The following PSIP1 variants were observed in gnomAD, a reference collection of about 807,000 sequenced individuals.
PSIP1 encodes the protein PC4 and SRSF1 interacting protein 1.
PSIP1 carries 19 observed loss-of-function variants against 74.7 expected under a neutral mutation model. The observed-to-expected ratio is 0.25, with a 90% CI of 0.18 to 0.37. The LOEUF (loss-of-function observed/expected upper bound fraction) is 0.37. Among genes scored for constraint, PSIP1 ranks in the 10% least tolerant of loss-of-function variants. The probability of loss-of-function intolerance (pLI) is 1.00; values close to 1 mark genes in which losing one functional copy is unlikely to be tolerated. For missense variants in PSIP1, 601 were observed against 614.3 expected (o/e 0.98, Z 0.23); for synonymous variants, 222 against 195.3 (o/e 1.14, Z -1.14).
intron 4 of PSIP1, among the ~76,000 whole-genome samples, chr9:15,487,888 A>C (rs1005850902): frequency 2.0e-5 from 3 of 152,120 alleles, no homozygotes; most frequent in African/African-American, 7.2e-5. Flanking sequence ...ATTAACAAGT[A>C]AGTACTGGGA....
chr9:15,486,205 T>A, intron 5 of PSIP1, 137 bp from the exon 6 acceptor site: 1 of 615,572 alleles, frequency 1.6e-6, no homozygotes, highest in Non-Finnish European at 2.7e-6. Flanking sequence ...GTTCTGAAAT[T>A]AAAAACATTG....
At chr9:15,499,743 G>A (rs528842409) in intron 3 of PSIP1, among the ~76,000 whole-genome samples, 16 of 152,004 alleles carry the variant, frequency 1.1e-4, no homozygotes, top group African/African-American at 2.9e-4. Flanking sequence ...GCTTGGGGGC[G>A]CGTCCCTGTA....
chr9:15,486,286 A>G lies in PSIP1; in HGVS notation c.394-218T>C, dbSNP rs571813674. Among the ~76,000 whole-genome samples the G allele has an allele frequency of 1.4e-4, 21 of 152,364 alleles. No individual in the cohort carries two copies. The South Asian group carries it at 4.3e-3, about 32-fold the overall frequency. ...TCAAATGTAAGTCATGGTTGCTGGT[A>G]CACCAGGAAGTCTGTCTATTTAAAT... On this transcript the variant is annotated intron_variant, in intron 5 of 15. Coordinates refer to ENST00000380733, the MANE Select transcript of PSIP1 (RefSeq NM_033222.5).
In PSIP1 at chr9:15,464,357, A is replaced by T. The variant is rs2035464394; in HGVS notation, c.*1163T>A. ...TATTCATATAATTTCAAAACATGAG[A>T]AGTATCCTACTTGCTGAGAAGTGCC... On this transcript the variant is annotated 3_prime_UTR_variant, in exon 16 of 16. Transcript: ENST00000380733. 5.1e-6 allele frequency: 1 copy of T among 194,840 alleles called. No individual in the cohort carries two copies. The highest frequency in any genetic ancestry group is 6.1e-5 in the Admixed American group (1 of 16,380). 12.1% of individuals were successfully genotyped at this position (194,840 alleles called of 1,614,324 possible).
chr9:15,506,413 T>C (rs752382469), intron 3 of PSIP1, 148 bp downstream of exon 3: 12 of 519,896 alleles, frequency 2.3e-5, no homozygotes, highest in Non-Finnish European at 2.7e-5. Flanking sequence ...AAACGCTACC[T>C]TAAAAATAGA....
intron 2 of PSIP1, among the ~76,000 whole-genome samples, chr9:15,509,204 T>A (rs2037736306): frequency 6.6e-6 from 1 of 152,226 alleles, no homozygotes; most frequent in Non-Finnish European, 1.5e-5. Flanking sequence ...AATAAATGGC[T>A]TGGAAAAATA....
chr9:15,501,941 G>A (rs559329784), intron 3 of PSIP1, among the ~76,000 whole-genome samples: 54 of 151,316 alleles, frequency 3.6e-4, no homozygotes, highest in African/African-American at 1.3e-3. Flanking sequence ...CCCGTCCGTG[G>A]CCTGTTAGGA....
chr9:15,469,220 A>C, intron 12 of PSIP1, 46 bp downstream of exon 12: 1 of 1,348,832 alleles, frequency 7.4e-7, no homozygotes, highest in Non-Finnish European at 1.0e-6. Flanking sequence ...TAAAAGATGA[A>C]GCTATAAATG....
In PSIP1 at chr9:15,464,133, C is replaced by G. The variant is rs561553318; in HGVS notation, c.*1387G>C. The G allele has an allele frequency of 5.5e-6, 1 of 182,792 alleles. No homozygotes were observed. Among genetic ancestry groups the G allele is most frequent in the African/African-American group, 2.3e-5 (1 of 42,566 alleles). The allele number at this position is 182,792 out of a possible 1,614,324, so 11.3% of individuals were successfully genotyped here. ...AACTTATGGCTTAACTAGAATAAAT[C>G]TAAGTAAGTTAAAACTGTATAAGGA... is the stretch of plus-strand genomic sequence containing the variant. On this transcript the variant is annotated 3_prime_UTR_variant, in exon 16 of 16. Transcript: ENST00000380733.
intron 6 of PSIP1, among the ~76,000 whole-genome samples, chr9:15,485,112 A>G (rs2036504021): frequency 6.6e-6 from 1 of 152,154 alleles, no homozygotes; most frequent in African/African-American, 2.4e-5. Flanking sequence ...AAAAGGAGGT[A>G]TCTAAAATTT....
chr9:15,481,659 G>C (rs1252164314), intron 6 of PSIP1, among the ~76,000 whole-genome samples: 2 of 152,016 alleles, frequency 1.3e-5, no homozygotes, highest in African/African-American at 4.8e-5. Flanking sequence ...ACTCCAGCCT[G>C]GGCAACAGAG....
At chr9:15,496,148 G>C (rs2037062391) in intron 3 of PSIP1, among the ~76,000 whole-genome samples, 1 of 152,156 alleles carries the variant, frequency 6.6e-6, no homozygotes, top group Non-Finnish European at 1.5e-5. Flanking sequence ...ATCTTAATTT[G>C]TAGGTTGAAA....
chr9:15,490,765 C>G (rs959521729), intron 3 of PSIP1, among the ~76,000 whole-genome samples: 27 of 148,820 alleles, frequency 1.8e-4, no homozygotes, highest in African/African-American at 6.7e-4. Context: ...TAGCATTAAT[C>G]AACACATTTA....
Position 15,465,383 on chromosome 9 carries a change from C to CA in PSIP1, c.*136dup. 1 of 716,294 alleles carries CA rather than the reference C, an allele frequency of 1.4e-6. No individual in the cohort carries two copies. The highest frequency in any genetic ancestry group is 2.3e-6 in the Non-Finnish European group (1 of 430,426). The allele number at this position is 716,294 out of a possible 1,614,324, so 44.4% of individuals were successfully genotyped here. On this transcript the variant is annotated 3_prime_UTR_variant, in exon 16 of 16. Coordinates refer to ENST00000380733, the MANE Select transcript of PSIP1 (RefSeq NM_033222.5). ...CGATAATGTTTACTTTACTTTAAAA[C>CA]AAAGGGATTTTCTCCCTCAAAACAA...
In PSIP1 at chr9:15,510,333, G is replaced by A. The variant is rs2037803295; in HGVS notation, c.-141-4C>T. ...TCGGGGCGTCCCGACGCGCCTGCTA[G>A]GGAGAGCACCGAGGGCGGTTAAAGC... On this transcript the variant is annotated splice_region_variant and splice_polypyrimidine_tract_variant and intron_variant, in intron 1 of 15. Coordinates refer to ENST00000380733, the MANE Select transcript of PSIP1 (RefSeq NM_033222.5). 2 of 509,892 alleles carry A rather than the reference G, an allele frequency of 3.9e-6. No individual in the cohort carries two copies. 31.6% of individuals were successfully genotyped at this position (509,892 alleles called of 1,614,324 possible).
chr9:15,501,899 G>A (rs911734009), intron 3 of PSIP1, among the ~76,000 whole-genome samples: 1 of 142,752 alleles, frequency 7.0e-6, no homozygotes, highest in Non-Finnish European at 1.5e-5. Flanking sequence ...CTTTAAATCT[G>A]GGGTCTCCAG....
chr9:15,471,532 C>T (rs907758713), intron 10 of PSIP1: 6 of 975,274 alleles, frequency 6.2e-6, no homozygotes, highest in Non-Finnish European at 7.3e-6. Flanking sequence ...AGTCCAACAG[C>T]TTTTCAGTGA....
chr9:15,472,837 G>A, intron 9 of PSIP1, 87 bp from the exon 10 acceptor site: 1 of 1,303,184 alleles, frequency 7.7e-7, no homozygotes, highest in Non-Finnish European at 1.1e-6. Context: ...AAAAGCAGCA[G>A]CTAGTTTTTA....
At chr9:15,493,672 C>T (rs757500053) in intron 3 of PSIP1, among the ~76,000 whole-genome samples, 1 of 152,126 alleles carries the variant, frequency 6.6e-6, no homozygotes, top group East Asian at 1.9e-4. Flanking sequence ...CTTACAATCA[C>T]GGCAGAAGGT....
Sources: gnomAD v4.1 joint callset for allele counts (sites outside exome capture counted in the v4.1 genomes callset) on GRCh38, gnomAD v4.1.1 for gene constraint, MANE v1.5 for transcripts, NCBI Gene and HGNC (gene_info 2026-07-23, HGNC 2026-07-21) for gene names.